TENM3: variants seen among roughly 807,000 people sequenced by gnomAD.
The protein encoded by TENM3 is teneurin transmembrane protein 3.
TENM3 carries 63 observed loss-of-function variants against 255.1 expected under a neutral mutation model. That is an observed-to-expected ratio of 0.25 (90% CI 0.20 to 0.30). The LOEUF (loss-of-function observed/expected upper bound fraction) is 0.30. Ranked by LOEUF, TENM3 falls within the 10% of genes least tolerant of loss-of-function variation. TENM3 has a pLI of 1.00. For missense variants in TENM3, 2,929 were observed against 3,461.1 expected (o/e 0.85, Z 3.86); for synonymous variants, 1,306 against 1,322.3 (o/e 0.99, Z 0.27).
intron 1 of TENM3, among the ~76,000 whole-genome samples, chr4:182,278,016 T>C (rs1760120936): frequency 6.6e-6 from 1 of 152,196 alleles, no homozygotes; most frequent in African/African-American, 2.4e-5. Flanking sequence ...TTGTTTCTTT[T>C]GCCATTGATA....
chr4:182,186,270 T>C (rs2060645), intron 1 of TENM3, among the ~76,000 whole-genome samples: 123,643 of 152,100 alleles, frequency 0.81, 50,780 homozygotes, highest in African/African-American at 0.89. Flanking sequence ...ATTGTTAAAA[T>C]GTAGAGAAAG....
intron 3 of TENM3, among the ~76,000 whole-genome samples, chr4:182,461,283 G>T (rs1483268148): frequency 6.6e-6 from 1 of 152,180 alleles, no homozygotes; most frequent in Non-Finnish European, 1.5e-5. Flanking sequence ...TTGAAGTACA[G>T]GTAGGCTTAT....
At chr4:181,541,314 G>T in the TENM3 span, among the ~76,000 whole-genome samples, 3 of 152,248 alleles carry the variant, frequency 2.0e-5, no homozygotes, top group East Asian at 1.9e-4. Context: ...GCCTAGGAAG[G>T]TTGAGGCTGA....
At chr4:182,120,311 T>C in the TENM3 span, among the ~76,000 whole-genome samples, 3 of 152,338 alleles carry the variant, frequency 2.0e-5, no homozygotes, top group East Asian at 3.9e-4. Flanking sequence ...ATAGCCCTGA[T>C]GTATAGTAGG....
chr4:182,356,677 C>A (rs1468998060), intron 3 of TENM3, among the ~76,000 whole-genome samples: 3 of 151,486 alleles, frequency 2.0e-5, no homozygotes, highest in East Asian at 3.9e-4. Context: ...ACTGCGAGTC[C>A]CTGAAAACTT....
chr4:182,579,439 CAA>C (rs1323077543), intron 3 of TENM3, among the ~76,000 whole-genome samples: 1 of 152,050 alleles, frequency 6.6e-6, no homozygotes, highest in Non-Finnish European at 1.5e-5. Context: ...ATCAAAGAAT[CAA>C]AGAGCAAGAG....
At chr4:182,438,189 A>G (rs1286098849) in intron 3 of TENM3, among the ~76,000 whole-genome samples, 4 of 152,170 alleles carry the variant, frequency 2.6e-5, no homozygotes, top group Admixed American at 2.0e-4. Context: ...AGAAGTAGAG[A>G]AATTCTTGAA....
At chr4:181,857,472 TGG>T in the TENM3 span, among the ~76,000 whole-genome samples, 1 of 147,970 alleles carries the variant, frequency 6.8e-6, no homozygotes, top group African/African-American at 2.5e-5. Flanking sequence ...CCCAGCATTT[TGG>T]GAGCCTGAGG....
chr4:182,322,408 T>C (rs1308668990), intron 1 of TENM3, among the ~76,000 whole-genome samples: 3 of 152,148 alleles, frequency 2.0e-5, no homozygotes, highest in African/African-American at 7.2e-5. Flanking sequence ...GTTGAAGACA[T>C]AGCAGGGAGG....
At chr4:182,300,088 G>C (rs1030316982) in intron 1 of TENM3, among the ~76,000 whole-genome samples, 1 of 151,994 alleles carries the variant, frequency 6.6e-6, no homozygotes, top group Admixed American at 6.6e-5. Context: ...GCTAATTTCT[G>C]TATTTTTAGT....
intron 3 of TENM3, among the ~76,000 whole-genome samples, chr4:182,355,780 T>C (rs1765484756): frequency 6.6e-6 from 1 of 152,068 alleles, no homozygotes; most frequent in South Asian, 2.1e-4. Context: ...CAGTGAGTGA[T>C]GGTATAATCC....
chr4:182,278,950 G>A (rs1190990177), intron 1 of TENM3, among the ~76,000 whole-genome samples: 3 of 152,220 alleles, frequency 2.0e-5, no homozygotes, highest in Non-Finnish European at 2.9e-5. Flanking sequence ...GGACAAGCCC[G>A]AGGGCTGCCA....
At chr4:181,951,671 A>G in the TENM3 span, among the ~76,000 whole-genome samples, 1 of 152,234 alleles carries the variant, frequency 6.6e-6, no homozygotes, top group African/African-American at 2.4e-5. Flanking sequence ...CAACAAAGAT[A>G]TCTATTAACT....
intron 3 of TENM3, among the ~76,000 whole-genome samples, chr4:182,596,206 A>T (rs778001152): frequency 2.0e-5 from 3 of 152,200 alleles, no homozygotes; most frequent in Non-Finnish European, 4.4e-5. Flanking sequence ...ATATTTGCAA[A>T]TTACCTTATA....
At chr4:181,894,215 T>C in the TENM3 span, among the ~76,000 whole-genome samples, 314 of 152,304 alleles carry the variant, frequency 2.1e-3, 1 homozygote, top group African/African-American at 7.1e-3. Flanking sequence ...ACAGTAACAC[T>C]ACCCTTTAAC....
At chr4:181,533,423 G>A in the TENM3 span, among the ~76,000 whole-genome samples, 2 of 152,242 alleles carry the variant, frequency 1.3e-5, no homozygotes, top group South Asian at 4.2e-4. Context: ...AGAAGAGGTG[G>A]ACAGAAGGTC....
intron 1 of TENM3, among the ~76,000 whole-genome samples, chr4:182,194,618 T>C (rs1753724696): frequency 6.6e-6 from 1 of 152,146 alleles, no homozygotes; most frequent in Admixed American, 6.5e-5. Flanking sequence ...TTTTAACTCA[T>C]AAAAGCTTAG....
At chr4:181,953,995 G>T in the TENM3 span, among the ~76,000 whole-genome samples, 2 of 152,248 alleles carry the variant, frequency 1.3e-5, no homozygotes, top group African/African-American at 2.4e-5. Context: ...GGACTGGAAG[G>T]CACAACTAGC....
chr4:181,767,308 A>G, the TENM3 span, among the ~76,000 whole-genome samples: 1 of 151,738 alleles, frequency 6.6e-6, no homozygotes, highest in Non-Finnish European at 1.5e-5. Context: ...AAATTCAAAT[A>G]AATTCAAGAA....
Sources: gnomAD v4.1 joint callset for allele counts (sites outside exome capture counted in the v4.1 genomes callset) on GRCh38, gnomAD v4.1.1 for gene constraint, MANE v1.5 for transcripts, NCBI Gene and HGNC (gene_info 2026-07-23, HGNC 2026-07-21) for gene names.